The following TPR variants were observed in gnomAD, a reference collection of about 807,000 sequenced individuals.
The protein encoded by TPR is translocated promoter region, nuclear basket protein.
In TPR, 51 loss-of-function variants were observed where a neutral mutation model predicts 316.1. The observed-to-expected ratio is 0.16, with a 90% CI of 0.13 to 0.20. The LOEUF is 0.20. TPR is among the 10% of genes least tolerant of loss of function. The pLI is 1.00. For missense variants in TPR, 2,272 were observed against 2,754.8 expected, an observed-to-expected ratio of 0.82 and a Z score of 3.92; for synonymous variants, 981 against 914.7, an observed-to-expected ratio of 1.07 and a Z score of -1.31.
In TPR at chr1:186,351,202, A is replaced by G. The variant is rs1322421319; in HGVS notation, c.2610+128T>C. ...TAAAAAAATTACTGGGTATAGAGTG[A>G]GGCAAGAAAAACTTAGTAACAAAGT... On this transcript the variant is annotated intron_variant, in intron 20 of 50. Transcript: ENST00000367478. 2.8e-6 allele frequency: 3 copies of G among 1,084,286 alleles called. No homozygotes were observed. The African/African-American group carries it at 4.9e-5, about 18-fold the overall frequency. 67.2% of individuals were successfully genotyped at this position (1,084,286 alleles called of 1,614,324 possible).
chr1:186,321,740 T>C (rs1259447689), intron 45 of TPR, among the ~76,000 whole-genome samples: 1 of 152,230 alleles, frequency 6.6e-6, no homozygotes, highest in Non-Finnish European at 1.5e-5. Flanking sequence ...AGCCTACTGC[T>C]TATTCCTCTA....
Position 186,373,341 on chromosome 1 carries a change from G to A in TPR, c.256+18C>T. The A allele has an allele frequency of 1.3e-6, 2 of 1,579,404 alleles. No homozygotes were observed. The highest frequency in any genetic ancestry group is 1.7e-6 in the Non-Finnish European group (2 of 1,153,220). On this transcript the variant is annotated intron_variant, in intron 2 of 50. Transcript: ENST00000367478. ...TCGATACTCCGAGAATACTTACAAAGATGAATTAAATACTTACTGAGTTTC... is the reference window on the plus strand; with the variant it reads ...TCGATACTCCGAGAATACTTACAAAAATGAATTAAATACTTACTGAGTTTC...
rs753161836 is a variant in TPR, at chr1:186,366,018, A to G, written c.427+1868T>C. Among the ~76,000 whole-genome samples, 20 of 152,352 alleles carry G rather than the reference A, an allele frequency of 1.3e-4. 1 individual carries two copies. Among genetic ancestry groups the G allele is most frequent in the Middle Eastern group, 3.4e-3 (1 of 294 alleles). ...ACTATCTGGTGGAAGGGTTCTGATTACCCAAGACTGCTTTTGATTTCTTTT... is the reference window on the plus strand; with the variant it reads ...ACTATCTGGTGGAAGGGTTCTGATTGCCCAAGACTGCTTTTGATTTCTTTT... On this transcript the variant is annotated intron_variant, in intron 4 of 50. Coordinates refer to ENST00000367478, the MANE Select transcript of TPR (RefSeq NM_003292.3).
At chr1:186,350,158 A>G in intron 21 of TPR, 65 bp downstream of exon 21, 1 of 1,368,112 alleles carries the variant, frequency 7.3e-7, no homozygotes, top group Non-Finnish European at 9.9e-7. Context: ...TACTGACAGG[A>G]TATATTATAA....
rs1457189178 is a variant in TPR at position 186,344,108 on chromosome 1, A to G, written c.3418-18T>C. On this transcript the variant is annotated intron_variant, in intron 25 of 50. Coordinates refer to ENST00000367478, the MANE Select transcript of TPR (RefSeq NM_003292.3). Reference sequence around the variant, plus strand: ...ACTTCATCCTGCAAGCCAAGAGTCTATCAGAATAACAGATTTTCCAATGCA... The same window carrying G: ...ACTTCATCCTGCAAGCCAAGAGTCTGTCAGAATAACAGATTTTCCAATGCA... The G allele has an allele frequency of 1.3e-6, 2 of 1,597,286 alleles. No individual in the cohort carries two copies. The highest frequency in any genetic ancestry group is 1.7e-6 in the Non-Finnish European group (2 of 1,172,906).
intron 39 of TPR, among the ~76,000 whole-genome samples, chr1:186,330,658 C>A (rs1323111809): frequency 6.6e-6 from 1 of 152,106 alleles, no homozygotes; most frequent in Non-Finnish European, 1.5e-5. Context: ...CATAAAACCA[C>A]ACCTGTCCCT....
chr1:186,350,596 T>C (rs1365178021), intron 20 of TPR, among the ~76,000 whole-genome samples: 1 of 151,954 alleles, frequency 6.6e-6, no homozygotes, highest in Non-Finnish European at 1.5e-5. Flanking sequence ...AACCTTAGAT[T>C]GCCTTAGTTT....
chr1:186,335,556 C>A lies in TPR; in HGVS notation c.4706-13G>T, dbSNP rs1658314828. ...TGATCTTTTACACCTAAAGAAGTAA[C>A]CAGGCGATTATATTAATATTATAAT... On this transcript the variant is annotated splice_polypyrimidine_tract_variant and intron_variant, in intron 33 of 50. Transcript: ENST00000367478. 2 of 1,561,092 alleles carry A rather than the reference C, an allele frequency of 1.3e-6. No homozygotes were observed. Among genetic ancestry groups the A allele is most frequent in the Middle Eastern group, 1.7e-4 (1 of 5,810 alleles).
Position 186,339,540 on chromosome 1 carries a change from C to T in TPR, c.4151+102G>A, listed in dbSNP as rs1571615719. The T allele has an allele frequency of 8.8e-6, 9 of 1,017,182 alleles. No homozygotes were observed. The East Asian group carries it at 2.7e-4, about 31-fold the overall frequency. The allele number at this position is 1,017,182 out of a possible 1,614,324, so 63.0% of individuals were successfully genotyped here. A position where few individuals can be genotyped will look rare whatever the true frequency, so the allele number is the denominator to read the frequency against. On this transcript the variant is annotated intron_variant, in intron 30 of 50. Transcript: ENST00000367478. ...CAGATATAGGTGCTCTAGCACTTTCCATTCTTTCTAAAACCAGGAGGCAGG... is the reference window on the plus strand; with the variant it reads ...CAGATATAGGTGCTCTAGCACTTTCTATTCTTTCTAAAACCAGGAGGCAGG...
chr1:186,372,393 T>C (rs1247452878), intron 2 of TPR, among the ~76,000 whole-genome samples: 1 of 152,072 alleles, frequency 6.6e-6, no homozygotes. Flanking sequence ...AATACAAAAA[T>C]TAGCTGGGCC....
chr1:186,318,840 T>C lies in TPR; in HGVS notation c.6569-12A>G, dbSNP rs746246285. The C allele has an allele frequency of 1.2e-6, 2 of 1,609,658 alleles. No individual in the cohort carries two copies. Among genetic ancestry groups the C allele is most frequent in the East Asian group, 4.5e-5 (2 of 44,854 alleles). ...ATACATTCCTAAACCTAAAGACAAT[T>C]CTGAATATTAATGAATGACTGAAAA... is the stretch of plus-strand genomic sequence containing the variant. On this transcript the variant is annotated splice_polypyrimidine_tract_variant and intron_variant, in intron 46 of 50. Transcript: ENST00000367478.
Position 186,315,213 on chromosome 1 carries a change from AAAAC to A in TPR, c.6941-493_6941-490del, listed in dbSNP as rs553610509. On this transcript the variant is annotated intron_variant, in intron 49 of 50. Transcript: ENST00000367478. ...CAGACCAAGGCCCTGTCTCAAAAAA[AAAAC>A]AAACAAACAAACAAAAAAAAAACAC... is the stretch of plus-strand genomic sequence containing the variant. Among the ~76,000 whole-genome samples, 1,101 of 150,648 alleles carry A rather than the reference AAAAC, an allele frequency of 7.3e-3. 14 individuals are homozygous for A. Among genetic ancestry groups the A allele is most frequent in the Non-Finnish European group, 9.7e-3 (659 of 67,872 alleles).
At chr1:186,374,602 G>A (rs1478911052) in intron 1 of TPR, among the ~76,000 whole-genome samples, 3 of 152,216 alleles carry the variant, frequency 2.0e-5, no homozygotes, top group Non-Finnish European at 2.9e-5. Flanking sequence ...ACTCTATCAA[G>A]TCTGTTTCCC....
At chr1:186,339,874 T>A (rs1658460926) in intron 29 of TPR, 102 bp from the exon 30 acceptor site, 1 of 990,362 alleles carries the variant, frequency 1.0e-6, no homozygotes, top group Non-Finnish European at 1.4e-6. Flanking sequence ...TTAGGTGTCC[T>A]GCATGTAAAG....
At position 186,344,043 on chromosome 1, in the gene TPR, T is replaced by C. The variant is rs368298709; in HGVS notation, c.3465A>G (p.Gln1155=). ...CVCRCEDLEK[Q]NRLLHDQIEK... is the part of the protein sequence containing the mutation. ...CGATCTGATCATGAAGTAATCTGTTTTGTTTCTCCAGATCTTCACAGCGAC... is the reference window on the plus strand; with the variant it reads ...CGATCTGATCATGAAGTAATCTGTTCTGTTTCTCCAGATCTTCACAGCGAC... Residue 1155 remains glutamine (Q), a synonymous_variant, in exon 26 of 51, where the codon CAA becomes CAG. Transcript: ENST00000367478. 2 of 1,614,012 alleles carry C rather than the reference T, an allele frequency of 1.2e-6. No individual in the cohort carries two copies. Among genetic ancestry groups the C allele is most frequent in the Non-Finnish European group, 1.7e-6 (2 of 1,180,008 alleles).
chr1:186,335,569 TTAATA>T (rs1658315845), intron 33 of TPR, 26 bp from the exon 34 acceptor site: 1 of 1,516,002 alleles, frequency 6.6e-7, no homozygotes, highest in African/African-American at 1.4e-5. Context: ...GGCGATTATA[TTAATA>T]TTATAATCAA....
In TPR at chr1:186,320,408, C is replaced by T. The variant is rs773467029; in HGVS notation, c.6472G>A (p.Val2158Ile). The change falls in exon 46 of 51, where the codon GTT becomes ATT. Residue 2158 changes from valine (V) to isoleucine (I), a missense_variant. Physicochemically the swap from Val to Ile is conservative, Grantham distance 29. This residue lies in a region of TPR where 88 missense variants were observed against 176.2 expected (regional missense o/e 0.50). Transcript: ENST00000367478. ...AACCGGAATCTAGGGACACCAGCAA[C>T]CTGCGGCGAACTAAATGGACAAAAA... ...GFAEAIHSPQ[V>I]AGVPRFRFGP... is the part of the protein sequence containing the mutation. 6 of 1,609,294 alleles carry T rather than the reference C, an allele frequency of 3.7e-6. No individual in the cohort carries two copies. Among genetic ancestry groups the T allele is most frequent in the Non-Finnish European group, 5.1e-6 (6 of 1,177,204 alleles).
intron 16 of TPR, 29 bp downstream of exon 16, chr1:186,355,606 C>T: frequency 6.2e-7 from 1 of 1,613,650 alleles, no homozygotes; most frequent in Non-Finnish European, 8.5e-7. Flanking sequence ...CTCTAAAAAC[C>T]TAACCCAGGA....
Position 186,356,270 on chromosome 1 carries a change from C to G in TPR, c.1888+16G>C. On this transcript the variant is annotated intron_variant, in intron 15 of 50. Transcript: ENST00000367478. ...ATTTCTAAATTATTCCTTAAAATAACTTTATAAAAACCTACCATGTAATGG... is the reference window on the plus strand; with the variant it reads ...ATTTCTAAATTATTCCTTAAAATAAGTTTATAAAAACCTACCATGTAATGG... The G allele has an allele frequency of 6.4e-7, 1 of 1,569,138 alleles. No individual in the cohort carries two copies. Among genetic ancestry groups the G allele is most frequent in the Non-Finnish European group, 8.7e-7 (1 of 1,151,948 alleles).
Sources: gnomAD v4.1 joint callset for allele counts (sites outside exome capture counted in the v4.1 genomes callset) on GRCh38, gnomAD v4.1.1 for gene constraint, gnomAD v4.1.1 regional missense constraint, MANE v1.5 for transcripts, NCBI Gene and HGNC (gene_info 2026-07-23, HGNC 2026-07-21) for gene names.